Variants in PSD3 observed in about 807,000 individuals in gnomAD.
PSD3 encodes the protein pleckstrin and Sec7 domain containing 3.
In PSD3, 49 loss-of-function variants were observed where a neutral mutation model predicts 105.5. The observed-to-expected ratio is 0.46, with a 90% CI of 0.37 to 0.59. PSD3 has a LOEUF of 0.59. Ranked by LOEUF, PSD3 falls within the 20% of genes least tolerant of loss-of-function variation. The pLI is 0.00. For synonymous variants in PSD3, 557 were observed against 457.8 expected (o/e 1.22, Z -2.77); for missense variants, 1,561 against 1,263.8 (o/e 1.24, Z -3.57).
At chr8:18,917,074 C>T (rs1820665023) in intron 2 of PSD3, among the ~76,000 whole-genome samples, 1 of 152,084 alleles carries the variant, frequency 6.6e-6, no homozygotes, top group Non-Finnish European at 1.5e-5. Flanking sequence ...CCAAATCCTC[C>T]CTCCCATCCA....
At chr8:18,741,345 T>A (rs9325841) in intron 9 of PSD3, among the ~76,000 whole-genome samples, 150,882 of 152,296 alleles carry the variant, frequency 0.99, 74,758 homozygotes, top group East Asian at 1. Context: ...CCAGTAAGTG[T>A]CAGGGTCAGA....
In PSD3 at chr8:18,704,969, C is replaced by T. The variant is rs189773247; in HGVS notation, c.2173-49284G>A. Among the ~76,000 whole-genome samples, 1,231 of 151,876 alleles carry T rather than the reference C, an allele frequency of 8.1e-3. 8 individuals carry two copies. Among genetic ancestry groups the T allele is most frequent in the Admixed American group, 0.019 (286 of 15,244 alleles). On this transcript the variant is annotated intron_variant, in intron 9 of 15. Transcript: ENST00000327040. ...CCCCAAAATGAAGAAAGCAAGTTTT[C>T]CATAAACATAAGAAAAATAAAAATT...
chr8:18,724,408 T>C (rs1440341999), intron 9 of PSD3, among the ~76,000 whole-genome samples: 1 of 152,132 alleles, frequency 6.6e-6, no homozygotes, highest in Non-Finnish European at 1.5e-5. Flanking sequence ...GGCCAGGAGT[T>C]CAAAGCCAGC....
chr8:19,084,476 A>G, exon 1 of PSD3: 1 of 452,986 alleles, frequency 2.2e-6, no homozygotes, highest in South Asian at 1.6e-5. Flanking sequence ...GGGTGGCAGA[A>G]GTGACTGGCC....
At chr8:18,573,392 C>T (rs996781188) in intron 13 of PSD3, among the ~76,000 whole-genome samples, 1 of 152,094 alleles carries the variant, frequency 6.6e-6, no homozygotes, top group Non-Finnish European at 1.5e-5. Flanking sequence ...ATCACTTGTA[C>T]CTGGGAGGCG....
chr8:18,851,599 C>T (rs1815572043), intron 4 of PSD3, among the ~76,000 whole-genome samples: 1 of 152,256 alleles, frequency 6.6e-6, no homozygotes, highest in Non-Finnish European at 1.5e-5. Flanking sequence ...CTGTCAAGCA[C>T]ATTCGGCTCT....
chr8:18,836,015 T>C (rs1814080279), intron 4 of PSD3, among the ~76,000 whole-genome samples: 1 of 152,200 alleles, frequency 6.6e-6, no homozygotes, highest in South Asian at 2.1e-4. Context: ...CGTGCTCACC[T>C]GGATCACTTG....
chr8:18,655,537 G>A, intron 10 of PSD3, 105 bp downstream of exon 10: 1 of 1,047,102 alleles, frequency 9.6e-7, no homozygotes, highest in Non-Finnish European at 1.5e-6. Context: ...AATGAGAATT[G>A]GCAATGCATA....
chr8:18,730,458 T>G (rs1265353126), intron 9 of PSD3: 1 of 152,198 alleles, frequency 6.6e-6, no homozygotes, highest in Non-Finnish European at 1.5e-5. Context: ...TAAATATTAA[T>G]GAGATGACCA....
At chr8:19,012,393 G>C (rs1011421210) in intron 1 of PSD3, among the ~76,000 whole-genome samples, 2 of 152,190 alleles carry the variant, frequency 1.3e-5, no homozygotes, top group Non-Finnish European at 2.9e-5. Flanking sequence ...CTCTTGGTTT[G>C]TAAATACTCT....
At chr8:19,006,994 C>G (rs1826710779) in intron 1 of PSD3, among the ~76,000 whole-genome samples, 1 of 152,056 alleles carries the variant, frequency 6.6e-6, no homozygotes, top group South Asian at 2.1e-4. Context: ...GTGGCTCACA[C>G]CTGTAATCCC....
chr8:19,062,615 G>C (rs538053268), intron 1 of PSD3, among the ~76,000 whole-genome samples: 91 of 152,184 alleles, frequency 6.0e-4, no homozygotes, highest in Non-Finnish European at 1.1e-3. Context: ...TATTAATAAA[G>C]GGAAAACCAG....
rs1018787156 is a variant in PSD3, at chr8:19,033,696, T to C, written c.324+50510A>G. ...TTTTTAGTGGGTTCCTTGCCATTCA[T>C]ACCCAATTATCTTAGTGATAGCAGC... On this transcript the variant is annotated intron_variant, in intron 1 of 1. Coordinates refer to the PSD3 transcript ENST00000521475. 2.3e-4 allele frequency among the ~76,000 whole-genome samples: 35 copies of C among 152,130 alleles called. No homozygotes were observed. The East Asian group carries it at 6.6e-3, about 29-fold the overall frequency.
chr8:19,083,712 C>T lies in PSD3; in HGVS notation c.324+494G>A, dbSNP rs114603230. Among the ~76,000 whole-genome samples, 440 of 152,332 alleles carry T rather than the reference C, an allele frequency of 2.9e-3. 2 individuals are homozygous for T. The highest frequency in any genetic ancestry group is 9.9e-3 in the African/African-American group (410 of 41,582). ...TGTTCCCAATGCCCATTCTGGAGAA[C>T]AAGCTTTGCTTTTGCCCTTGTGTTT... On this transcript the variant is annotated intron_variant, in intron 1 of 1. Coordinates refer to the PSD3 transcript ENST00000521475.
chr8:18,804,303 G>A (rs1056569236), intron 6 of PSD3: 1 of 412,330 alleles, frequency 2.4e-6, no homozygotes, highest in Non-Finnish European at 4.3e-6. Flanking sequence ...TTCAGATTTG[G>A]GATGTTCACT....
At chr8:18,669,426 G>C (rs1799657702) in intron 9 of PSD3, among the ~76,000 whole-genome samples, 1 of 152,142 alleles carries the variant, frequency 6.6e-6, no homozygotes, top group East Asian at 1.9e-4. Flanking sequence ...ATAGAACAAT[G>C]ATAACATATG....
chr8:18,633,625 T>G (rs192339048), intron 10 of PSD3, among the ~76,000 whole-genome samples: 79 of 152,202 alleles, frequency 5.2e-4, no homozygotes, highest in Non-Finnish European at 1.1e-3. Flanking sequence ...TATTCCACGG[T>G]GTGTATGTAC....
intron 1 of PSD3, among the ~76,000 whole-genome samples, chr8:18,951,429 A>C (rs891580035): frequency 1.1e-4 from 16 of 152,070 alleles, no homozygotes; most frequent in African/African-American, 3.1e-4. Flanking sequence ...ACCAAAAAGG[A>C]CCACGGAACA....
rs534686452 is a variant in PSD3, at chr8:18,961,206, G to C, written c.22-25064C>G. Reference sequence around the variant, plus strand: ...TAACAGAGAAATTTTACCTAAATCTGAAGAACTCTTAATAGAATCATTGTT... The same window carrying C: ...TAACAGAGAAATTTTACCTAAATCTCAAGAACTCTTAATAGAATCATTGTT... On this transcript the variant is annotated intron_variant, in intron 1 of 15. Coordinates refer to ENST00000327040, the MANE Select transcript of PSD3 (RefSeq NM_015310.4). Among the ~76,000 whole-genome samples the C allele has an allele frequency of 1.6e-4, 24 of 152,286 alleles. 1 individual carries two copies. Among genetic ancestry groups the C allele is most frequent in the South Asian group, 6.2e-4 (3 of 4,822 alleles).
Sources: allele counts gnomAD v4.1 joint callset (sites outside exome capture counted in the v4.1 genomes callset), GRCh38; gene constraint gnomAD v4.1.1; transcripts MANE v1.5; gene names NCBI Gene and HGNC (gene_info 2026-07-23, HGNC 2026-07-21).